GCFC2: variants seen among roughly 807,000 people sequenced by gnomAD.
GCFC2 encodes the protein intron Large complex component GCFC2.
Under a neutral mutation model 99.4 loss-of-function variants are expected in GCFC2, and 102 were observed. That is an observed-to-expected ratio of 1.03 (90% CI 0.87 to 1.21). The LOEUF (loss-of-function observed/expected upper bound fraction) is 1.21, where lower values mean the gene tolerates loss of function less well. GCFC2 is among the 50% of genes most tolerant of loss of function. The pLI is 0.00. For missense variants in GCFC2, 973 were observed against 920.9 expected, an observed-to-expected ratio of 1.06 and a Z score of -0.73; for synonymous variants, 338 against 316.8, an observed-to-expected ratio of 1.07 and a Z score of -0.71.
At chr2:75,683,886 C>CAACCATTAATGCAAATAATGCAA (rs2104302602) in intron 11 of GCFC2, among the ~76,000 whole-genome samples, 1 of 150,848 alleles carries the variant, frequency 6.6e-6, no homozygotes, top group Non-Finnish European at 1.5e-5. Flanking sequence ...AAGGGTATTA[C>CAACCATTAATGCAAATAATGCAA]ATAATGGTGA....
At chr2:75,710,995 T>A, upstream of GCFC2, 1 of 1,355,754 alleles carries the variant, frequency 7.4e-7, no homozygotes, top group East Asian at 3.1e-5. Flanking sequence ...TGCTCACCGC[T>A]ACTCTGTCTG....
intron 4 of GCFC2, chr2:75,697,527 T>C (rs1680381972): frequency 6.6e-6 from 1 of 152,274 alleles, no homozygotes; most frequent in Admixed American, 6.5e-5. Flanking sequence ...CTCAGGACCC[T>C]GCACAGAGTT....
At chr2:75,689,896 G>A in intron 9 of GCFC2, 73 bp downstream of exon 9, 4 of 782,248 alleles carry the variant, frequency 5.1e-6, no homozygotes, top group East Asian at 2.7e-5. Flanking sequence ...TACTTATTAA[G>A]GGCAATCCCA....
chr2:75,701,736 C>T, intron 3 of GCFC2: 1 of 357,472 alleles, frequency 2.8e-6, no homozygotes, highest in Non-Finnish European at 3.9e-6. Flanking sequence ...TTACCAAAAC[C>T]TTGGTCAAAT....
intron 6 of GCFC2, among the ~76,000 whole-genome samples, chr2:75,693,316 T>C (rs1193960177): frequency 6.6e-6 from 1 of 152,130 alleles, no homozygotes; most frequent in Non-Finnish European, 1.5e-5. Context: ...GGTGCACGCC[T>C]GTAGTCCCAG....
rs1202598031 is a variant in GCFC2, at chr2:75,664,783, C to A, written c.2229G>T (p.Arg743Ser). The A allele has an allele frequency of 1.4e-6, 2 of 1,415,306 alleles. No individual in the cohort carries two copies. Among genetic ancestry groups the A allele is most frequent in the Non-Finnish European group, 2.0e-6 (2 of 1,005,536 alleles). 87.7% of individuals were successfully genotyped at this position (1,415,306 alleles called of 1,614,324 possible). ...TAAGAATTATTTCTTCGACTTCATC[C>A]CTGAAAAACAAAACAAATTTCTCCC... ...SAHKLSRSEF[R>S]DEVEEIILIL... Residue 743 changes from arginine (R) to serine (S), a missense_variant and splice_region_variant, in exon 17 of 17, where the codon AGG becomes AGT. Arg to Ser is a moderately radical substitution (Grantham distance 110). Transcript: ENST00000321027.
chr2:75,692,144 GAAAT>G (rs1396208316), intron 6 of GCFC2, 44 bp from the exon 7 acceptor site: 2 of 582,740 alleles, frequency 3.4e-6, no homozygotes, highest in Non-Finnish European at 2.5e-6. Context: ...CATCGATAAT[GAAAT>G]ATATATATAT....
rs528455378 is a variant in GCFC2, at chr2:75,672,980, T to C, written c.1889+464A>G. The stretch of plus-strand genomic sequence containing the variant: ...GAGAAATATTTGTTGAAATCTCAAT[T>C]TGCATCCTCATAGAGTATGTGTACA... On this transcript the variant is annotated intron_variant, in intron 13 of 16. Transcript: ENST00000321027. 1.3e-4 allele frequency among the ~76,000 whole-genome samples: 20 copies of C among 152,286 alleles called. No individual in the cohort carries two copies. The East Asian group carries it at 3.1e-3, about 24-fold the overall frequency.
In GCFC2 at chr2:75,675,742, A is replaced by C. The variant is rs76239052; in HGVS notation, c.1813-2222T>G. On this transcript the variant is annotated intron_variant, in intron 12 of 16. Coordinates refer to ENST00000321027, the MANE Select transcript of GCFC2 (RefSeq NM_003203.5). ...CTGGGTGACAGAGTAAGGTTCTGTC[A>C]AAAAAAAAAAAAAAAACAAAAAAAA... 1.2e-4 allele frequency among the ~76,000 whole-genome samples: 10 copies of C among 86,460 alleles called. No individual in the cohort carries two copies. The African/African-American group carries it at 1.5e-3, about 13-fold the overall frequency. The allele number at this position is 86,460 out of a possible 152,430, so 56.7% of individuals were successfully genotyped here.
chr2:75,683,786 A>AAG (rs1553434128), intron 11 of GCFC2, among the ~76,000 whole-genome samples: 1 of 146,568 alleles, frequency 6.8e-6, no homozygotes, highest in African/African-American at 2.5e-5. Context: ...AAAAAAAAAA[A>AAG]AAAAAAGAAA....
intron 12 of GCFC2, among the ~76,000 whole-genome samples, chr2:75,679,168 A>G (rs1679466360): frequency 6.6e-6 from 1 of 152,166 alleles, no homozygotes; most frequent in Non-Finnish European, 1.5e-5. Context: ...CTGAGATTAC[A>G]TGCTTCTTGA....
chr2:75,707,104 G>A (rs554750914), intron 1 of GCFC2, among the ~76,000 whole-genome samples: 1 of 152,262 alleles, frequency 6.6e-6, no homozygotes, highest in East Asian at 1.9e-4. Flanking sequence ...GGATTGAGAG[G>A]ATAAAGAACA....
At position 75,710,719 on chromosome 2, in the gene GCFC2, G is replaced by T. The variant is rs1190096215; in HGVS notation, c.137C>A (p.Pro46His). ...CACCTGCGCGCGGCCTCCTCCAGAG[G>T]GCGGCTCTTCCTCCGCAGAACCCGG... ...PVPGSAEEEP[P>H]SGGGRAQVAG... The change falls in exon 1 of 17, where the codon CCC (proline) becomes CAC (histidine). Residue 46 changes from proline to histidine, a missense_variant. Transcript: ENST00000321027. 2 of 1,551,960 alleles carry T rather than the reference G, an allele frequency of 1.3e-6. No homozygotes were observed. Among genetic ancestry groups the T allele is most frequent in the Non-Finnish European group, 1.7e-6 (2 of 1,153,568 alleles).
intron 11 of GCFC2, among the ~76,000 whole-genome samples, chr2:75,685,492 T>C (rs1679773180): frequency 6.6e-6 from 1 of 152,152 alleles, no homozygotes; most frequent in Non-Finnish European, 1.5e-5. Context: ...TTGACCCTTC[T>C]TTCTTCCTAG....
intron 14 of GCFC2, 37 bp from the exon 15 acceptor site, chr2:75,670,321 C>A: frequency 7.0e-7 from 1 of 1,436,930 alleles, no homozygotes; most frequent in Non-Finnish European, 9.8e-7. Flanking sequence ...TACCTTTTCT[C>A]CAAAGAGAAA....
chr2:75,680,887 C>T (rs947420585), intron 11 of GCFC2, among the ~76,000 whole-genome samples: 20 of 152,336 alleles, frequency 1.3e-4, no homozygotes, highest in African/African-American at 4.8e-4. Context: ...CACCTACCTA[C>T]ATCTGTGCCG....
At chr2:75,704,321 C>G (rs1312672792) in intron 2 of GCFC2, among the ~76,000 whole-genome samples, 3 of 152,194 alleles carry the variant, frequency 2.0e-5, no homozygotes, top group Non-Finnish European at 2.9e-5. Context: ...CATCGGAACA[C>G]AAATAAATGC....
At chr2:75,705,949 T>C (rs1680843731) in intron 2 of GCFC2, among the ~76,000 whole-genome samples, 1 of 152,204 alleles carries the variant, frequency 6.6e-6, no homozygotes, top group African/African-American at 2.4e-5. Flanking sequence ...TGTGTTTTAA[T>C]AAAACTTTGT....
intron 12 of GCFC2, among the ~76,000 whole-genome samples, chr2:75,676,753 A>G (rs530081226): frequency 2.6e-5 from 4 of 152,246 alleles, no homozygotes; most frequent in Non-Finnish European, 5.9e-5. Flanking sequence ...TTTTACTTAT[A>G]TAGTTGAATT....
Sources: gnomAD v4.1 joint callset for allele counts (sites outside exome capture counted in the v4.1 genomes callset) on GRCh38, gnomAD v4.1.1 for gene constraint, MANE v1.5 for transcripts, NCBI Gene and HGNC (gene_info 2026-07-23, HGNC 2026-07-21) for gene names.